Variants in CNNM2 observed in about 807,000 individuals in gnomAD.
CNNM2 encodes the protein metal transporter CNNM2.
A neutral mutation model predicts 66.9 loss-of-function variants in CNNM2; 12 were observed. The ratio of observed to expected loss-of-function variants is 0.18; its 90% CI spans 0.11 to 0.29. CNNM2 has a LOEUF of 0.29. Ranked by LOEUF, CNNM2 falls within the 10% of genes least tolerant of loss-of-function variation. The probability of loss-of-function intolerance (pLI) is 1.00; values close to 1 mark genes in which losing one functional copy is unlikely to be tolerated. For missense variants in CNNM2, 705 were observed against 1,167.7 expected, an observed-to-expected ratio of 0.60 and a Z score of 5.77; for synonymous variants, 557 against 501.8, an observed-to-expected ratio of 1.11 and a Z score of -1.47.
intron 4 of CNNM2, among the ~76,000 whole-genome samples, chr10:103,062,324 T>C (rs1053838089): frequency 4.6e-5 from 7 of 152,186 alleles, no homozygotes; most frequent in African/African-American, 1.7e-4. Context: ...TTAGTATGCC[T>C]TCACCCTTCA....
intron 1 of CNNM2, among the ~76,000 whole-genome samples, chr10:103,000,836 C>T (rs770200238): frequency 3.9e-5 from 6 of 152,214 alleles, no homozygotes; most frequent in Non-Finnish European, 5.9e-5. Flanking sequence ...TCCTTGGCTT[C>T]CCAGAGTGCT....
At chr10:103,026,244 A>G (rs188025043) in intron 1 of CNNM2, among the ~76,000 whole-genome samples, 2 of 152,348 alleles carry the variant, frequency 1.3e-5, no homozygotes, top group African/African-American at 2.4e-5. Flanking sequence ...CAACTTTTCT[A>G]TTCTCTTAAG....
At chr10:102,959,991 G>T (rs1350646407) in intron 1 of CNNM2, among the ~76,000 whole-genome samples, 1 of 151,856 alleles carries the variant, frequency 6.6e-6, no homozygotes, top group African/African-American at 2.4e-5. Context: ...GGTGGAGCTT[G>T]CAGTGAGCCG....
chr10:102,961,093 G>C (rs2063372537), intron 1 of CNNM2, among the ~76,000 whole-genome samples: 1 of 151,642 alleles, frequency 6.6e-6, no homozygotes, highest in Non-Finnish European at 1.5e-5. Flanking sequence ...GGCCAGGCTG[G>C]TCTTGAACTC....
intron 1 of CNNM2, among the ~76,000 whole-genome samples, chr10:102,941,461 A>G (rs935827767): frequency 1.3e-5 from 2 of 152,158 alleles, no homozygotes; most frequent in Non-Finnish European, 2.9e-5. Flanking sequence ...ATGATCATAT[A>G]CAACTGGCAA....
intron 1 of CNNM2, among the ~76,000 whole-genome samples, chr10:103,018,258 G>C (rs561384322): frequency 2.0e-5 from 3 of 152,244 alleles, no homozygotes; most frequent in Non-Finnish European, 4.4e-5. Flanking sequence ...ATTCTGGATA[G>C]AAAAAGAGAA....
chr10:103,031,650 A>G (rs1166496019), intron 1 of CNNM2, among the ~76,000 whole-genome samples: 1 of 152,198 alleles, frequency 6.6e-6, no homozygotes, highest in African/African-American at 2.4e-5. Context: ...ACTTGCATGC[A>G]GGGAAGTTTA....
intron 1 of CNNM2, among the ~76,000 whole-genome samples, chr10:103,020,644 A>G (rs141847994): frequency 6.6e-6 from 1 of 152,284 alleles, no homozygotes; most frequent in African/African-American, 2.4e-5. Context: ...TATAAATTTC[A>G]TACTGTTTCT....
intron 1 of CNNM2, among the ~76,000 whole-genome samples, chr10:102,999,728 T>C (rs2064079990): frequency 6.6e-6 from 1 of 152,116 alleles, no homozygotes; most frequent in Admixed American, 6.6e-5. Context: ...ACAGAATAGC[T>C]AAAAACAGTC....
chr10:103,025,134 C>G (rs2064675998), intron 1 of CNNM2, among the ~76,000 whole-genome samples: 2 of 152,180 alleles, frequency 1.3e-5, no homozygotes, highest in African/African-American at 4.8e-5. Context: ...CCCTGTCACC[C>G]AGGCTGGAGT....
chr10:102,968,715 C>G (rs2063503823), intron 1 of CNNM2, among the ~76,000 whole-genome samples: 1 of 151,592 alleles, frequency 6.6e-6, no homozygotes, highest in African/African-American at 2.4e-5. Context: ...GTGATCCTTC[C>G]GCCTCATTGC....
intron 5 of CNNM2, 109 bp downstream of exon 5, chr10:103,068,831 T>A (rs1246683289): frequency 1.2e-6 from 1 of 822,588 alleles, no homozygotes; most frequent in Non-Finnish European, 1.9e-6. Flanking sequence ...TCACTTCCTT[T>A]TTGAACTTTT....
In CNNM2 at chr10:102,935,020, A is replaced by G. The variant is rs554987729; in HGVS notation, c.1621+14919A>G. ...CCAAAAATACAAAAATTAGCTGGGC[A>G]TGGTGGCGGGCACCTGTAATCCCAG... On this transcript the variant is annotated intron_variant, in intron 1 of 7. Coordinates refer to ENST00000369878, the MANE Select transcript of CNNM2 (RefSeq NM_017649.5). Among the ~76,000 whole-genome samples, 8 of 151,176 alleles carry G rather than the reference A, an allele frequency of 5.3e-5. No homozygotes were observed. In the East Asian group the frequency reaches 1.6e-3, roughly 30 times the overall value.
chr10:103,023,151 T>A (rs373148683), intron 1 of CNNM2, among the ~76,000 whole-genome samples: 2 of 152,184 alleles, frequency 1.3e-5, no homozygotes, highest in East Asian at 3.9e-4. Flanking sequence ...GCAATTCACC[T>A]GCCTTAGCCT....
chr10:103,057,034 G>A, intron 4 of CNNM2, 70 bp downstream of exon 4: 2 of 1,487,250 alleles, frequency 1.3e-6, no homozygotes, highest in South Asian at 2.6e-5. Context: ...GTAAGTGAAT[G>A]GGTGTCACCG....
chr10:103,010,215 T>C (rs1047518585), intron 1 of CNNM2, among the ~76,000 whole-genome samples: 6 of 152,188 alleles, frequency 3.9e-5, no homozygotes, highest in South Asian at 4.2e-4. Context: ...AAATAGTATA[T>C]ATAATATGAC....
chr10:103,028,375 G>A (rs1390775857), intron 1 of CNNM2, among the ~76,000 whole-genome samples: 1 of 152,062 alleles, frequency 6.6e-6, no homozygotes, highest in South Asian at 2.1e-4. Flanking sequence ...CGGTTTTCAG[G>A]TTGAATTCAT....
At chr10:103,069,863 T>C (rs1354603642) in intron 5 of CNNM2, among the ~76,000 whole-genome samples, 1 of 152,230 alleles carries the variant, frequency 6.6e-6, no homozygotes, top group Non-Finnish European at 1.5e-5. Context: ...ACCTCAAACC[T>C]AAAAATAACC....
intron 1 of CNNM2, among the ~76,000 whole-genome samples, chr10:102,944,110 G>A (rs1375791267): frequency 2.8e-5 from 4 of 142,190 alleles, no homozygotes; most frequent in African/African-American, 1.1e-4. Flanking sequence ...TTGAGATGGA[G>A]TCTTGCTTTG....
Sources: allele counts gnomAD v4.1 joint callset (sites outside exome capture counted in the v4.1 genomes callset), GRCh38; gene constraint gnomAD v4.1.1; transcripts MANE v1.5; gene names NCBI Gene and HGNC (gene_info 2026-07-23, HGNC 2026-07-21).